PDE7B: variants seen among roughly 807,000 people sequenced by gnomAD.
PDE7B encodes phosphodiesterase 7B, also known as 3',5'-cyclic-AMP phosphodiesterase 7B.
Under a neutral mutation model 56.2 loss-of-function variants are expected in PDE7B, and 29 were observed. The ratio of observed to expected loss-of-function variants is 0.52; its 90% CI spans 0.38 to 0.70. The LOEUF is 0.70. Ranked by LOEUF, PDE7B falls within the 30% of genes least tolerant of loss-of-function variation. The pLI, the probability that PDE7B is intolerant of heterozygous loss-of-function variation, is 0.00. For synonymous variants in PDE7B, 197 were observed against 196.9 expected, an observed-to-expected ratio of 1.00 and a Z score of 0.00; for missense variants, 490 against 565.0, an observed-to-expected ratio of 0.87 and a Z score of 1.35.
chr6:136,076,395 C>A (rs1043221316), intron 2 of PDE7B, among the ~76,000 whole-genome samples: 1 of 152,076 alleles, frequency 6.6e-6, no homozygotes, highest in African/African-American at 2.4e-5. Flanking sequence ...ATTGCTTGAA[C>A]CCAGGAGGCG....
intron 8 of PDE7B, among the ~76,000 whole-genome samples, chr6:136,170,468 T>G (rs930043156): frequency 6.6e-6 from 1 of 152,122 alleles, no homozygotes; most frequent in African/African-American, 2.4e-5. Flanking sequence ...CTCCCTCCCC[T>G]TAGTCCCTGG....
chr6:135,899,232 G>A (rs1775955485), intron 1 of PDE7B, among the ~76,000 whole-genome samples: 1 of 152,008 alleles, frequency 6.6e-6, no homozygotes, highest in African/African-American at 2.4e-5. Context: ...GTCTTTATTA[G>A]CAGCATGAGA....
intron 1 of PDE7B, among the ~76,000 whole-genome samples, chr6:135,895,449 C>T (rs568494718): frequency 2.0e-5 from 3 of 152,218 alleles, no homozygotes; most frequent in South Asian, 4.1e-4. Context: ...GGTGCCCTGA[C>T]CTCTCTCTGA....
intron 2 of PDE7B, among the ~76,000 whole-genome samples, chr6:135,951,366 G>T (rs1402365453): frequency 1.3e-5 from 2 of 152,248 alleles, no homozygotes; most frequent in Non-Finnish European, 2.9e-5. Context: ...AAGAGGAAGT[G>T]GAAGAGACAT....
rs1309510814 is a variant in PDE7B at position 136,018,430 on chromosome 6, C to T, written c.82+70906C>T. Among the ~76,000 whole-genome samples the T allele has an allele frequency of 3.3e-5, 5 of 152,282 alleles. No individual in the cohort carries two copies. The East Asian group carries it at 9.6e-4, about 29-fold the overall frequency. On this transcript the variant is annotated intron_variant, in intron 2 of 12. Coordinates refer to ENST00000308191, the MANE Select transcript of PDE7B (RefSeq NM_018945.4). ...TGATTCAGTAAACTTAACACCTGAGCATTAGAGCTAACCCGATTCAAAATG... is the reference window on the plus strand; with the variant it reads ...TGATTCAGTAAACTTAACACCTGAGTATTAGAGCTAACCCGATTCAAAATG...
At chr6:136,112,184 C>T (rs910847318) in intron 3 of PDE7B, among the ~76,000 whole-genome samples, 6 of 152,202 alleles carry the variant, frequency 3.9e-5, no homozygotes, top group Admixed American at 3.3e-4. Context: ...TCCCATTAGT[C>T]ACAGCCCCAG....
chr6:136,037,361 A>T, intron 2 of PDE7B: 1 of 939,624 alleles, frequency 1.1e-6, no homozygotes, highest in South Asian at 4.9e-5. Context: ...TTTCCCTTCC[A>T]GCTGAAGGGC....
chr6:135,934,283 A>C (rs776991010), intron 1 of PDE7B, among the ~76,000 whole-genome samples: 10 of 152,226 alleles, frequency 6.6e-5, no homozygotes, highest in Non-Finnish European at 1.3e-4. Context: ...TTGGTAGTTT[A>C]ACTCCTTAAC....
intron 12 of PDE7B, among the ~76,000 whole-genome samples, chr6:136,189,820 G>A (rs1029822599): frequency 1.3e-5 from 2 of 151,928 alleles, no homozygotes; most frequent in African/African-American, 2.4e-5. Flanking sequence ...CACACTGATG[G>A]AACAGGTTTC....
intron 3 of PDE7B, among the ~76,000 whole-genome samples, chr6:136,137,026 C>T (rs3778284): frequency 0.45 from 67,813 of 151,754 alleles, 15,779 homozygotes; most frequent in African/African-American, 0.59. Context: ...GTCAGAAAGG[C>T]TGATTAAATG....
intron 2 of PDE7B, among the ~76,000 whole-genome samples, chr6:135,948,984 G>A (rs2327667): frequency 0.4 from 61,314 of 151,530 alleles, 12,608 homozygotes; most frequent in Admixed American, 0.53. Flanking sequence ...ATGTGTCCCA[G>A]TTTTGGATTT....
At chr6:136,025,682 T>C (rs186551467) in intron 2 of PDE7B, among the ~76,000 whole-genome samples, 186 of 152,266 alleles carry the variant, frequency 1.2e-3, no homozygotes, top group African/African-American at 4.1e-3. Context: ...GAACTATAAA[T>C]ACACATGACT....
chr6:136,038,211 G>GAAAC (rs1216830426), intron 2 of PDE7B: 3 of 1,299,932 alleles, frequency 2.3e-6, no homozygotes, highest in African/African-American at 3.0e-5. Flanking sequence ...AGCAGAAGCA[G>GAAAC]AAACAGCAGC....
rs867447544 is a variant in PDE7B, at chr6:136,187,218, G to A, written c.1126+102G>A. The stretch of plus-strand genomic sequence containing the variant: ...CACAGCTTTCAAAAGATCAGCACTG[G>A]AGGTTTAATCAACATCCTTTTGAAT... On this transcript the variant is annotated intron_variant, in intron 12 of 12. Transcript: ENST00000308191. The A allele has an allele frequency of 8.8e-6, 6 of 685,150 alleles. No homozygotes were observed. The African/African-American group carries it at 1.1e-4, about 12-fold the overall frequency. The allele number at this position is 685,150 out of a possible 1,614,324, so 42.4% of individuals were successfully genotyped here.
chr6:135,917,515 C>T (rs1773978644), intron 1 of PDE7B, among the ~76,000 whole-genome samples: 3 of 151,896 alleles, frequency 2.0e-5, no homozygotes, highest in Non-Finnish European at 4.4e-5. Flanking sequence ...CTTTGGAATC[C>T]TTAAATGTGC....
intron 8 of PDE7B, among the ~76,000 whole-genome samples, chr6:136,161,579 G>C (rs1037848066): frequency 6.6e-6 from 1 of 152,074 alleles, no homozygotes; most frequent in African/African-American, 2.4e-5. Context: ...ACCTAATCTT[G>C]GTTGTCTGCA....
chr6:135,983,568 T>C (rs531099371), intron 2 of PDE7B, among the ~76,000 whole-genome samples: 1 of 152,144 alleles, frequency 6.6e-6, no homozygotes, highest in South Asian at 2.1e-4. Flanking sequence ...CCTATAAAGG[T>C]TTTTTAAAAT....
intron 1 of PDE7B, among the ~76,000 whole-genome samples, chr6:135,911,879 G>T (rs1776218299): frequency 6.6e-6 from 1 of 152,128 alleles, no homozygotes; most frequent in South Asian, 2.1e-4. Flanking sequence ...TTAGCTGCTA[G>T]AAATTTTTAA....
intron 2 of PDE7B, among the ~76,000 whole-genome samples, chr6:136,108,305 G>A (rs1047919847): frequency 1.3e-5 from 2 of 152,076 alleles, no homozygotes; most frequent in Admixed American, 1.3e-4. Flanking sequence ...AAAAAGAAAG[G>A]TGGATGCCAG....
Sources: gnomAD v4.1 joint callset for allele counts (sites outside exome capture counted in the v4.1 genomes callset) on GRCh38, gnomAD v4.1.1 for gene constraint, MANE v1.5 for transcripts, NCBI Gene and HGNC (gene_info 2026-07-23, HGNC 2026-07-21) for gene names.